Variants in ACSL1 observed in about 807,000 individuals in gnomAD.
ACSL1 encodes acyl-CoA synthetase long chain family member 1.
A neutral mutation model predicts 98.4 loss-of-function variants in ACSL1; 41 were observed. The ratio of observed to expected loss-of-function variants is 0.42; its 90% CI spans 0.32 to 0.54. The LOEUF (loss-of-function observed/expected upper bound fraction) is 0.54. Ranked by LOEUF, ACSL1 falls within the 20% of genes least tolerant of loss-of-function variation. ACSL1 has a pLI of 0.13. For missense variants in ACSL1, 734 were observed against 883.1 expected (o/e 0.83, Z 2.14); for synonymous variants, 316 against 322.7 (o/e 0.98, Z 0.22).
Position 184,776,625 on chromosome 4 carries a change from C to A in ACSL1, c.615G>T (p.Lys205Asn), listed in dbSNP as rs1030269191. The change falls in exon 7 of 21, where the codon AAG becomes AAT. Residue 205 changes from lysine (K) to asparagine (N), a missense_variant. Coordinates refer to ENST00000281455, the MANE Select transcript of ACSL1 (RefSeq NM_001995.5). ...CTACACCCTCTAATAAGAGTTTGGC[C>A]TTCTCTGGCTTGTCAACAAAAACCA... ...LSLVFVDKPE[K>N]AKLLLEGVEN... 6.2e-7 allele frequency: 1 copy of A among 1,612,974 alleles called. No individual in the cohort carries two copies. The highest frequency in any genetic ancestry group is 1.1e-5 in the South Asian group (1 of 91,050).
At chr4:184,764,816 T>C in intron 15 of ACSL1, 37 bp downstream of exon 15, 1 of 1,577,784 alleles carries the variant, frequency 6.3e-7, no homozygotes. Flanking sequence ...CCAGTATGAA[T>C]AACAAAATTC....
At chr4:184,822,317 T>G (rs1773122321) in intron 1 of ACSL1, among the ~76,000 whole-genome samples, 1 of 152,076 alleles carries the variant, frequency 6.6e-6, no homozygotes, top group Admixed American at 6.6e-5. Flanking sequence ...CCACTTAAGT[T>G]TTTGTCCAAG....
At chr4:184,786,747 A>G (rs1767437892) in intron 3 of ACSL1, among the ~76,000 whole-genome samples, 1 of 146,936 alleles carries the variant, frequency 6.8e-6, no homozygotes, top group Non-Finnish European at 1.5e-5. Context: ...AGGCTGGAGT[A>G]CAATGGTGCA....
rs759725041 is a variant in ACSL1, at chr4:184,776,939, G to A, written c.522C>T (p.Ile174=). The change falls in exon 6 of 21, where the codon ATC becomes ATT. Residue 174 remains isoleucine, a synonymous_variant. Transcript: ENST00000281455. ...EQGCFAYSMV[I]VPLYDTLGNE... ...TTCCAAGGGTATCATAAAGTGGAAC[G>A]ATCACCATCGAATAAGCAAAGCATC... 3 of 1,614,082 alleles carry A rather than the reference G, an allele frequency of 1.9e-6. No homozygotes were observed. Among genetic ancestry groups the A allele is most frequent in the Non-Finnish European group, 2.5e-6 (3 of 1,180,024 alleles).
rs1459758269 is a variant in ACSL1, at chr4:184,755,917, T to A, written c.*1208A>T. 1 of 152,578 alleles carries A rather than the reference T, an allele frequency of 6.6e-6. No homozygotes were observed. The highest frequency in any genetic ancestry group is 2.4e-5 in the African/African-American group (1 of 41,446). The allele number at this position is 152,578 out of a possible 1,614,324, so 9.5% of individuals were successfully genotyped here. A position where few individuals can be genotyped will look rare whatever the true frequency, so the allele number is the denominator to read the frequency against. ...AATGTGGCAAAGACTCACAATAAAG[T>A]GAACTGCTGTTAATTTCCCAAATTA... On this transcript the variant is annotated 3_prime_UTR_variant, in exon 21 of 21. Transcript: ENST00000281455.
Position 184,788,867 on chromosome 4 carries a change from T to TAAGA in ACSL1, c.196-137_196-136insTCTT, listed in dbSNP as rs556471344. On this transcript the variant is annotated intron_variant, in intron 2 of 20. Transcript: ENST00000281455. Reference sequence around the variant, plus strand: ...ATCTGTAGTGAGAACACTTAAAATCTATTCTCTTAGTAATTTCAGGTATAT... The same window carrying TAAGA: ...ATCTGTAGTGAGAACACTTAAAATCTAAGAATTCTCTTAGTAATTTCAGGTATAT... 2.0e-4 allele frequency: 131 copies of TAAGA among 655,570 alleles called. 1 individual carries two copies. The African/African-American group carries it at 2.1e-3, about 11-fold the overall frequency. 40.6% of individuals were successfully genotyped at this position (655,570 alleles called of 1,614,324 possible).
At chr4:184,789,094 C>T (rs1322200725) in intron 2 of ACSL1, among the ~76,000 whole-genome samples, 1 of 152,232 alleles carries the variant, frequency 6.6e-6, no homozygotes, top group Non-Finnish European at 1.5e-5. Context: ...TAGGCGGCCA[C>T]CTGCGGAACA....
intron 1 of ACSL1, chr4:184,808,646 G>A (rs964506855): frequency 3.7e-6 from 1 of 271,272 alleles, no homozygotes; most frequent in South Asian, 1.4e-4. Context: ...AGGAACAAGA[G>A]AGCAGCAGCC....
rs1245909853 is a variant in ACSL1, at chr4:184,773,898, T to C, written c.757-23A>G. The C allele has an allele frequency of 1.2e-6, 2 of 1,613,626 alleles. No homozygotes were observed. The highest frequency in any genetic ancestry group is 1.7e-6 in the Non-Finnish European group (2 of 1,179,748). The stretch of plus-strand genomic sequence containing the variant: ...GTCCTTAATTAGAAGAGAAAAAAAG[T>C]CTTAAATGGAAACGTTTTCTAACTG... On this transcript the variant is annotated intron_variant, in intron 7 of 20. Transcript: ENST00000281455. This position sits in a 1 kb window ranked among gnomAD's most constrained non-coding sequence, Gnocchi z 4.3.
intron 1 of ACSL1, chr4:184,812,189 G>A (rs1772189766): frequency 1.0e-6 from 1 of 985,300 alleles, no homozygotes; most frequent in Non-Finnish European, 1.2e-6. Context: ...CTATGTAGAT[G>A]CTTCTTCCTC....
chr4:184,798,031 GC>G (rs2150415823), intron 2 of ACSL1, among the ~76,000 whole-genome samples: 1 of 152,272 alleles, frequency 6.6e-6, no homozygotes, highest in East Asian at 1.9e-4. Context: ...ATGCAAAAGG[GC>G]CACCGGCCAG....
chr4:184,785,981 C>T (rs543542396), intron 3 of ACSL1, among the ~76,000 whole-genome samples: 48 of 152,162 alleles, frequency 3.2e-4, no homozygotes, highest in African/African-American at 8.9e-4. Context: ...TGCATCTCTA[C>T]GGTCCTAGTG....
In ACSL1 at chr4:184,766,039, C is replaced by A; in HGVS notation, c.1264-53G>T. 2 of 1,576,280 alleles carry A rather than the reference C, an allele frequency of 1.3e-6. No homozygotes were observed. The highest frequency in any genetic ancestry group is 2.3e-5 in the South Asian group (2 of 88,592). ...TGAGGGTTACACACCTGGAAGTCGG[C>A]GGCCTCTCCGCCAAGGGGGCCTGCT... On this transcript the variant is annotated intron_variant, in intron 13 of 20. Coordinates refer to ENST00000281455, the MANE Select transcript of ACSL1 (RefSeq NM_001995.5). The surrounding 1 kb of genome is among the most constrained non-coding windows in gnomAD (Gnocchi z 4.8).
rs189219413 is a variant in ACSL1, at chr4:184,780,976, C to T, written c.376-543G>A. 3.1e-3 allele frequency among the ~76,000 whole-genome samples: 470 copies of T among 151,864 alleles called. 1 individual carries two copies. The East Asian group carries it at 0.031, about 10-fold the overall frequency. ...CATACAGGCCAGGCACGGTGGTTCA[C>T]GCCTATAATCCCAGCACTTTGGGAG... On this transcript the variant is annotated intron_variant, in intron 4 of 20. Coordinates refer to ENST00000281455, the MANE Select transcript of ACSL1 (RefSeq NM_001995.5).
At chr4:184,815,241 A>C (rs568937422) in intron 1 of ACSL1, 1 of 368,052 alleles carries the variant, frequency 2.7e-6, no homozygotes, top group African/African-American at 2.1e-5. Context: ...GTGGAGAAAC[A>C]CCAGCAACAG....
At chr4:184,777,070 T>C in intron 5 of ACSL1, 87 bp from the exon 6 acceptor site, 1 of 1,200,972 alleles carries the variant, frequency 8.3e-7, no homozygotes, top group Non-Finnish European at 1.2e-6. Context: ...AGATTCAAAG[T>C]GAAAACATTT....
chr4:184,767,940 T>C (rs570765011), intron 12 of ACSL1: 132 of 321,102 alleles, frequency 4.1e-4, no homozygotes, highest in African/African-American at 2.6e-3. Flanking sequence ...AACCATTTCA[T>C]AGTTACTATT....
At chr4:184,769,400 G>C (rs568196236) in intron 11 of ACSL1, among the ~76,000 whole-genome samples, 2 of 152,282 alleles carry the variant, frequency 1.3e-5, no homozygotes, top group East Asian at 3.9e-4. Context: ...TGACACAAGG[G>C]AAGTACAAAT....
At chr4:184,759,391 C>A (rs577911737) in intron 18 of ACSL1, among the ~76,000 whole-genome samples, 2 of 152,050 alleles carry the variant, frequency 1.3e-5, no homozygotes, top group Non-Finnish European at 2.9e-5. Context: ...ACCATCAGAG[C>A]GAACAGGCAA....
Sources: allele counts gnomAD v4.1 joint callset (sites outside exome capture counted in the v4.1 genomes callset), GRCh38; gene constraint gnomAD v4.1.1; non-coding constraint Gnocchi (gnomAD v3.1); transcripts MANE v1.5; gene names NCBI Gene and HGNC (gene_info 2026-07-23, HGNC 2026-07-21).